SGCD: variants seen among roughly 807,000 people sequenced by gnomAD.
SGCD encodes sarcoglycan delta, also known as delta-sarcoglycan.
SGCD carries 18 observed loss-of-function variants against 36.6 expected under a neutral mutation model. The ratio of observed to expected loss-of-function variants is 0.49; its 90% CI spans 0.34 to 0.73. SGCD has a LOEUF of 0.73. Among genes scored for constraint, SGCD ranks in the 30% least tolerant of loss-of-function variants. The pLI, the probability that SGCD is intolerant of heterozygous loss-of-function variation, is 0.01. For synonymous variants in SGCD, 133 were observed against 130.6 expected (o/e 1.02, Z -0.12); for missense variants, 387 against 346.7 (o/e 1.12, Z -0.92).
At chr5:156,632,779 CG>C (rs1236192528) in intron 6 of SGCD, among the ~76,000 whole-genome samples, 1 of 152,074 alleles carries the variant, frequency 6.6e-6, no homozygotes, top group Non-Finnish European at 1.5e-5. Flanking sequence ...AGGCCAAGCT[CG>C]GTTAAAGCTA....
intron 6 of SGCD, among the ~76,000 whole-genome samples, chr5:156,636,970 C>A (rs756071879): frequency 5.3e-5 from 8 of 151,878 alleles, no homozygotes; most frequent in Non-Finnish European, 7.4e-5. Context: ...GTTTTTTCTC[C>A]CATAAAAGTA....
intron 3 of SGCD, among the ~76,000 whole-genome samples, chr5:156,198,239 G>C (rs1341579870): frequency 2.0e-5 from 3 of 152,082 alleles, no homozygotes; most frequent in Non-Finnish European, 4.4e-5. Flanking sequence ...TGCAGACCTA[G>C]ATAAGAAGTC....
In SGCD at chr5:156,525,432, T is replaced by C. The variant is rs540711335; in HGVS notation, c.294+16730T>C. Among the ~76,000 whole-genome samples, 3 of 152,288 alleles carry C rather than the reference T, an allele frequency of 2.0e-5. No individual in the cohort carries two copies. In the South Asian group the frequency reaches 6.2e-4, roughly 32 times the overall value. ...TTTAAATTTGGGTTATTTAGTTTTA[T>C]GCTCTTGAGTTGCATGAGTTCTTTA... On this transcript the variant is annotated intron_variant, in intron 4 of 8. Coordinates refer to ENST00000337851, the MANE Select transcript of SGCD (RefSeq NM_000337.6).
At chr5:155,999,406 G>T (rs922547849) in intron 1 of SGCD, among the ~76,000 whole-genome samples, 1 of 152,230 alleles carries the variant, frequency 6.6e-6, no homozygotes, top group East Asian at 1.9e-4. Context: ...TACATGGTTG[G>T]TAAGGTGGAC....
intron 7 of SGCD, among the ~76,000 whole-genome samples, chr5:156,709,156 C>T (rs556528386): frequency 1.2e-4 from 19 of 152,244 alleles, no homozygotes; most frequent in Admixed American, 2.6e-4. Flanking sequence ...CAAAATAATC[C>T]TTATGGCAGA....
chr5:156,431,667 T>C (rs1753015785), intron 3 of SGCD, among the ~76,000 whole-genome samples: 1 of 152,152 alleles, frequency 6.6e-6, no homozygotes, highest in Non-Finnish European at 1.5e-5. Context: ...CCCCTTCCCT[T>C]AGGAATGGGG....
the SGCD span, among the ~76,000 whole-genome samples, chr5:155,832,209 A>G: frequency 1.3e-5 from 2 of 152,316 alleles, no homozygotes; most frequent in Middle Eastern, 6.8e-3. Flanking sequence ...AATGAGATCC[A>G]TTGTAGCTTT....
At chr5:155,743,358 T>A in the SGCD span, among the ~76,000 whole-genome samples, 3 of 152,178 alleles carry the variant, frequency 2.0e-5, no homozygotes, top group Admixed American at 2.0e-4. Flanking sequence ...CAAAGACCAA[T>A]ATTACAACAA....
At chr5:156,365,359 T>A (rs1003437402) in intron 3 of SGCD, among the ~76,000 whole-genome samples, 51 of 152,304 alleles carry the variant, frequency 3.3e-4, no homozygotes, top group African/African-American at 1.2e-3. Context: ...CCTTCAAGGT[T>A]TAGGAAACTA....
At chr5:156,506,094 T>G (rs1350387854) in intron 3 of SGCD, among the ~76,000 whole-genome samples, 1 of 152,184 alleles carries the variant, frequency 6.6e-6, no homozygotes, top group Non-Finnish European at 1.5e-5. Context: ...ACTTTAAAGA[T>G]TTTTAAAAAC....
chr5:156,257,246 G>A (rs1765737826), intron 3 of SGCD, among the ~76,000 whole-genome samples: 1 of 150,710 alleles, frequency 6.6e-6, no homozygotes, highest in African/African-American at 2.4e-5. Context: ...AGGCCGAGGC[G>A]GGCGGATCAC....
At chr5:155,804,568 C>T in the SGCD span, among the ~76,000 whole-genome samples, 1 of 152,192 alleles carries the variant, frequency 6.6e-6, no homozygotes, top group Non-Finnish European at 1.5e-5. Flanking sequence ...GGAAGTCATT[C>T]AGGATAGACT....
At chr5:156,171,202 G>C (rs1763337590) in intron 3 of SGCD, among the ~76,000 whole-genome samples, 1 of 152,198 alleles carries the variant, frequency 6.6e-6, no homozygotes, top group African/African-American at 2.4e-5. Context: ...ACAAATCTCA[G>C]AGCATTGCGT....
intron 4 of SGCD, among the ~76,000 whole-genome samples, chr5:156,582,523 C>A (rs1405259473): frequency 6.6e-6 from 1 of 152,184 alleles, no homozygotes; most frequent in Non-Finnish European, 1.5e-5. Context: ...CCAGGTTACA[C>A]TCCGTTGCTT....
At chr5:156,347,381 G>A (rs1292527926) in intron 3 of SGCD, among the ~76,000 whole-genome samples, 3 of 152,156 alleles carry the variant, frequency 2.0e-5, no homozygotes, top group Admixed American at 6.5e-5. Flanking sequence ...ATATTAAACA[G>A]GAGAATACTG....
chr5:156,702,358 T>C (rs563820958), intron 7 of SGCD, among the ~76,000 whole-genome samples: 1 of 152,250 alleles, frequency 6.6e-6, no homozygotes, highest in South Asian at 2.1e-4. Context: ...CAGTTTAATA[T>C]TCTTCTCTTT....
rs1171872284 is a variant in SGCD at position 156,051,850 on chromosome 5, G to A, written c.-281-66028G>A. 2.1e-5 allele frequency among the ~76,000 whole-genome samples: 3 copies of A among 145,640 alleles called. No individual in the cohort carries two copies. The East Asian group carries it at 5.8e-4, about 28-fold the overall frequency. ...CTGTATGTTTTAGTGCATGTAGTGT[G>A]TGCTGGGGGAAAGAGGTGGGGAAGG... On this transcript the variant is annotated intron_variant, in intron 1 of 9. Transcript: ENST00000517913.
chr5:156,426,199 G>C lies in SGCD; in HGVS notation c.192+81522G>C, dbSNP rs1309712801. The stretch of plus-strand genomic sequence containing the variant: ...CTAGCAACGTAAAGGAGTTCCCTTT[G>C]CACCACATCCATGCAAATATCTATT... On this transcript the variant is annotated intron_variant, in intron 3 of 8. Transcript: ENST00000337851. 2.6e-5 allele frequency among the ~76,000 whole-genome samples: 4 copies of C among 151,968 alleles called. No homozygotes were observed. The South Asian group carries it at 6.2e-4, about 24-fold the overall frequency.
intron 3 of SGCD, among the ~76,000 whole-genome samples, chr5:156,250,177 A>G (rs1375902404): frequency 1.3e-5 from 2 of 152,042 alleles, no homozygotes; most frequent in East Asian, 3.9e-4. Context: ...CTTTTTTGTC[A>G]TTTACTATGA....
Sources: gnomAD v4.1 joint callset for allele counts (sites outside exome capture counted in the v4.1 genomes callset) on GRCh38, gnomAD v4.1.1 for gene constraint, MANE v1.5 for transcripts, NCBI Gene and HGNC (gene_info 2026-07-23, HGNC 2026-07-21) for gene names.